The following ARHGAP22 variants were observed in gnomAD, a reference collection of about 807,000 sequenced individuals.
The protein encoded by ARHGAP22 is Rho GTPase activating protein 22, also known as rho GTPase-activating protein 22.
In ARHGAP22, 48 loss-of-function variants were observed where a neutral mutation model predicts 59.1. That is an observed-to-expected ratio of 0.81 (90% confidence interval 0.64 to 1.03). ARHGAP22 has a LOEUF of 1.03. Ranked by LOEUF, ARHGAP22 falls within the 50% of genes least tolerant of loss-of-function variation. The pLI, the probability that ARHGAP22 is intolerant of heterozygous loss-of-function variation, is 0.00. For missense variants in ARHGAP22, 1,015 were observed against 958.7 expected (o/e 1.06, Z -0.78); for synonymous variants, 445 against 416.4 (o/e 1.07, Z -0.84).
At chr10:48,610,640 G>A (rs1362902372) in intron 1 of ARHGAP22, among the ~76,000 whole-genome samples, 1 of 152,132 alleles carries the variant, frequency 6.6e-6, no homozygotes, top group East Asian at 1.9e-4. Flanking sequence ...GTTTTTTTAG[G>A]GATTAACATT....
chr10:48,516,730 T>C (rs7915233), intron 3 of ARHGAP22, among the ~76,000 whole-genome samples: 79,861 of 152,036 alleles, frequency 0.53, 23,857 homozygotes, highest in Middle Eastern at 0.75. Flanking sequence ...AGAAAGGGAA[T>C]AGTTCTCAAT....
At chr10:48,557,281 T>C (rs542491222) in intron 2 of ARHGAP22, among the ~76,000 whole-genome samples, 5 of 152,188 alleles carry the variant, frequency 3.3e-5, no homozygotes, top group Non-Finnish European at 7.3e-5. Context: ...ACAGAGTCCC[T>C]GTGTCATTCT....
chr10:48,606,772 C>T (rs1366213489), upstream of ARHGAP22, among the ~76,000 whole-genome samples: 1 of 152,154 alleles, frequency 6.6e-6, no homozygotes, highest in Non-Finnish European at 1.5e-5. Flanking sequence ...GGCAATTCCC[C>T]AATGAAATTC....
intron 3 of ARHGAP22, among the ~76,000 whole-genome samples, chr10:48,496,880 G>T (rs1257938530): frequency 1.3e-5 from 2 of 152,146 alleles, no homozygotes; most frequent in Non-Finnish European, 2.9e-5. Context: ...GAACCAAGGT[G>T]CCCTAACTGC....
chr10:48,555,535 G>C lies in ARHGAP22; in HGVS notation c.250C>G (p.Gln84Glu), dbSNP rs781711619. The C allele has an allele frequency of 6.2e-7, 1 of 1,614,172 alleles. No individual in the cohort carries two copies. Among genetic ancestry groups the C allele is most frequent in the Non-Finnish European group, 8.5e-7 (1 of 1,179,986 alleles). ...EIKPQGFISL[Q>E]GTQVTELPPG... ...GGAAGTTCAGTCACCTGTGTCCCTT[G>C]TAGAGAAATAAATCCCTAAAAAGGA... Residue 84 changes from glutamine (Q) to glutamate (E), a missense_variant, in exon 3 of 10, where the codon CAA (glutamine) becomes GAA (glutamate). Gln to Glu is a conservative substitution (Grantham distance 29). Coordinates refer to ENST00000249601, the MANE Select transcript of ARHGAP22 (RefSeq NM_021226.4).
intron 4 of ARHGAP22, among the ~76,000 whole-genome samples, chr10:48,470,225 A>G (rs2048104116): frequency 6.6e-6 from 1 of 152,250 alleles, no homozygotes; most frequent in African/African-American, 2.4e-5. Context: ...GGAAGGGCTT[A>G]ATGAACCAGC....
intron 3 of ARHGAP22, among the ~76,000 whole-genome samples, chr10:48,499,234 T>C (rs1045316808): frequency 2.6e-5 from 4 of 152,212 alleles, no homozygotes; most frequent in African/African-American, 7.2e-5. Context: ...TACATGGGCT[T>C]TCCTGTTTCC....
chr10:48,476,593 T>G (rs1311406315), intron 4 of ARHGAP22, among the ~76,000 whole-genome samples: 1 of 152,204 alleles, frequency 6.6e-6, no homozygotes, highest in Non-Finnish European at 1.5e-5. Context: ...CTCCTGAGAT[T>G]TCTGCATTTC....
downstream of ARHGAP22, chr10:48,445,129 C>G (rs553206790): frequency 6.6e-6 from 1 of 152,402 alleles, no homozygotes; most frequent in African/African-American, 2.4e-5. Context: ...GCCTTCCTGG[C>G]AGGAAGCCAG....
At chr10:48,607,101 G>C (rs2060709312), upstream of ARHGAP22, among the ~76,000 whole-genome samples, 3 of 152,156 alleles carry the variant, frequency 2.0e-5, no homozygotes, top group Admixed American at 1.3e-4. Context: ...ACAATGTCTT[G>C]AGCAATCAGG....
At chr10:48,538,762 C>T (rs1301049648) in intron 3 of ARHGAP22, among the ~76,000 whole-genome samples, 2 of 152,188 alleles carry the variant, frequency 1.3e-5, no homozygotes, top group African/African-American at 2.4e-5. Flanking sequence ...GGGAACTACG[C>T]TGCCTCCATC....
chr10:48,452,662 T>G (rs1294910555), intron 8 of ARHGAP22, among the ~76,000 whole-genome samples: 1 of 152,216 alleles, frequency 6.6e-6, no homozygotes, highest in Non-Finnish European at 1.5e-5. Flanking sequence ...GGCTGTCTTT[T>G]CTATGGCAGC....
intron 6 of ARHGAP22, 106 bp from the exon 7 acceptor site, chr10:48,454,267 GC>G: frequency 9.5e-7 from 1 of 1,049,894 alleles, no homozygotes; most frequent in Non-Finnish European, 1.5e-6. Flanking sequence ...GGCTACGGCA[GC>G]CCAGCCCCAA....
At chr10:48,500,405 T>G (rs2051386882) in intron 3 of ARHGAP22, among the ~76,000 whole-genome samples, 1 of 151,966 alleles carries the variant, frequency 6.6e-6, no homozygotes. Context: ...AAAACAGCAC[T>G]GGGTGGCATG....
Position 48,446,563 on chromosome 10 carries a change from A to G in ARHGAP22, c.1925T>C (p.Leu642Pro), listed in dbSNP as rs1434400041. 5.6e-6 allele frequency: 9 copies of G among 1,614,088 alleles called. No homozygotes were observed. Among genetic ancestry groups the G allele is most frequent in the Non-Finnish European group, 7.6e-6 (9 of 1,180,016 alleles). ...GATGTATTTTTTCTTTTCCTGGTCC[A>G]GTTCTTCTTCTAACCGGGACATTCG... is the stretch of plus-strand genomic sequence containing the variant. ...RKRMSRLEEE[L>P]DQEKKKYIML... is the part of the protein sequence containing the mutation. Residue 642 changes from leucine to proline, a missense_variant, in exon 10 of 10, where the codon CTG becomes CCG. Coordinates refer to ENST00000249601, the MANE Select transcript of ARHGAP22 (RefSeq NM_021226.4).
chr10:48,441,890 C>T (rs1013321961), downstream of ARHGAP22, among the ~76,000 whole-genome samples: 1 of 152,204 alleles, frequency 6.6e-6, no homozygotes, highest in Non-Finnish European at 1.5e-5. Context: ...ATGCCTCTTA[C>T]TGTTACTTGA....
intron 3 of ARHGAP22, among the ~76,000 whole-genome samples, chr10:48,527,299 G>A (rs2054412849): frequency 6.6e-6 from 1 of 151,986 alleles, no homozygotes; most frequent in South Asian, 2.1e-4. Flanking sequence ...GTAGGTAGGT[G>A]AATAGATGGA....
At chr10:48,593,921 T>A (rs1225679744) in intron 1 of ARHGAP22, among the ~76,000 whole-genome samples, 1 of 152,258 alleles carries the variant, frequency 6.6e-6, no homozygotes, top group Non-Finnish European at 1.5e-5. Context: ...GGTGATAATG[T>A]TCCTAAAGGG....
At chr10:48,462,510 G>A (rs186736753) in intron 4 of ARHGAP22, among the ~76,000 whole-genome samples, 12 of 152,300 alleles carry the variant, frequency 7.9e-5, no homozygotes, top group South Asian at 4.1e-4. Flanking sequence ...CAGGGACAAC[G>A]GTCCAACCCA....
Sources: gnomAD v4.1 joint callset for allele counts (sites outside exome capture counted in the v4.1 genomes callset) on GRCh38, gnomAD v4.1.1 for gene constraint, MANE v1.5 for transcripts, NCBI Gene and HGNC (gene_info 2026-07-23, HGNC 2026-07-21) for gene names.